CCR5AS: variants seen among roughly 807,000 people sequenced by gnomAD.
CCR5AS encodes the protein CCR5 antisense RNA.
chr3:46,372,874 C>T (rs372191663), intron 2 of CCR5AS: 179 of 1,506,300 alleles, frequency 1.2e-4, no homozygotes, highest in Non-Finnish European at 1.4e-4. Context: ...TAAAAGATCA[C>T]TTTTTATTTA....
At chr3:46,403,674 C>A (rs1418336265) in intron 1 of CCR5AS, among the ~76,000 whole-genome samples, 1 of 152,214 alleles carries the variant, frequency 6.6e-6, no homozygotes, top group Non-Finnish European at 1.5e-5. Flanking sequence ...CAGGTTGGGG[C>A]TGCTGAGCAG....
At position 46,399,953 on chromosome 3, in the gene CCR5AS, A is replaced by G. The variant is rs139006449; in HGVS notation, n.164-6901T>C. Among the ~76,000 whole-genome samples the G allele has an allele frequency of 1.1e-3, 163 of 152,318 alleles. 3 individuals are homozygous for G. The highest frequency in any genetic ancestry group is 3.1e-3 in the South Asian group (15 of 4,826). ...GGAAGCTAGTTGAAGATCTTAAATTACCAATGTATCTTGTCCACATAGCTA... is the reference window on the plus strand; with the variant it reads ...GGAAGCTAGTTGAAGATCTTAAATTGCCAATGTATCTTGTCCACATAGCTA... On this transcript the variant is annotated intron_variant and non_coding_transcript_variant, in intron 1 of 3. Coordinates refer to ENST00000451485, the Ensembl canonical transcript of CCR5AS.
At chr3:46,373,472 G>T (rs751323475) in intron 2 of CCR5AS, 13 of 1,316,168 alleles carry the variant, frequency 9.9e-6, no homozygotes, top group Middle Eastern at 1.7e-4. Context: ...ATCAATTCTG[G>T]AAGAATTTCC....
chr3:46,369,016 C>T (rs41412948), intron 3 of CCR5AS, among the ~76,000 whole-genome samples: 9,904 of 79,892 alleles, frequency 0.12, 493 homozygotes, highest in South Asian at 0.39. Context: ...TGTATTTATG[C>T]TATCTATTTT....
chr3:46,387,949 T>A (rs939676213), intron 2 of CCR5AS, among the ~76,000 whole-genome samples: 4 of 152,190 alleles, frequency 2.6e-5, no homozygotes, highest in Non-Finnish European at 5.9e-5. Context: ...TGTCACAAGG[T>A]CAACTGATCA....
intron 1 of CCR5AS, among the ~76,000 whole-genome samples, chr3:46,400,006 G>T (rs1195015324): frequency 6.6e-6 from 1 of 151,830 alleles, no homozygotes; most frequent in Non-Finnish European, 1.5e-5. Flanking sequence ...TTATTTTTTT[G>T]AAACAGGGTC....
intron 2 of CCR5AS, among the ~76,000 whole-genome samples, chr3:46,379,897 AAAATAAATAAATAAATAAAT>A (rs60485134): frequency 2.7e-5 from 4 of 146,398 alleles, no homozygotes; most frequent in Non-Finnish European, 6.0e-5. Context: ...ACTCTGTCTC[AAAATAAATAAATAAATAAAT>A]AAATAAATAA....
chr3:46,393,617 A>G (rs1701934767), intron 1 of CCR5AS, among the ~76,000 whole-genome samples: 1 of 152,196 alleles, frequency 6.6e-6, no homozygotes, highest in Non-Finnish European at 1.5e-5. Flanking sequence ...ATTTATTGAG[A>G]AGCAAGTATG....
chr3:46,369,702 G>A (rs1701635906), intron 3 of CCR5AS, among the ~76,000 whole-genome samples: 1 of 152,166 alleles, frequency 6.6e-6, no homozygotes, highest in African/African-American at 2.4e-5. Context: ...TGTGCTAGAT[G>A]CTGGCCGTGG....
At chr3:46,367,423 C>T (rs1701610934) in intron 3 of CCR5AS, among the ~76,000 whole-genome samples, 1 of 149,628 alleles carries the variant, frequency 6.7e-6, no homozygotes, top group South Asian at 2.1e-4. Context: ...AACAATTAAT[C>T]GAAAAGTGCA....
At chr3:46,373,730 C>T (rs755563272) in intron 2 of CCR5AS, 1 of 1,613,932 alleles carries the variant, frequency 6.2e-7, no homozygotes, top group Admixed American at 1.7e-5. Context: ...ACAGGTTGGA[C>T]CAAGCTATGC....
At chr3:46,373,607 G>A (rs147615392) in intron 2 of CCR5AS, 4 of 1,613,920 alleles carry the variant, frequency 2.5e-6, no homozygotes, top group African/African-American at 2.7e-5. Context: ...GGGCTGTGAG[G>A]CTTATCTTCA....
At chr3:46,403,207 T>C (rs987356672) in intron 1 of CCR5AS, among the ~76,000 whole-genome samples, 2 of 152,248 alleles carry the variant, frequency 1.3e-5, no homozygotes, top group African/African-American at 4.8e-5. Context: ...AACATTCACA[T>C]GCGTGTGTCT....
intron 3 of CCR5AS, among the ~76,000 whole-genome samples, chr3:46,368,810 G>A (rs1268211748): frequency 6.6e-6 from 1 of 152,150 alleles, no homozygotes; most frequent in East Asian, 1.9e-4. Context: ...CTCTGGGGGT[G>A]AGTATGTCTT....
chr3:46,372,618 G>A lies in CCR5AS; in HGVS notation n.392-1201C>T, dbSNP rs556224798. 25 of 237,796 alleles carry A rather than the reference G, an allele frequency of 1.1e-4. No homozygotes were observed. In the South Asian group the frequency reaches 2.3e-3, roughly 22 times the overall value. 14.7% of individuals were successfully genotyped at this position (237,796 alleles called of 1,614,324 possible). A position where few individuals can be genotyped will look rare whatever the true frequency, so the allele number is the denominator to read the frequency against. On this transcript the variant is annotated intron_variant and non_coding_transcript_variant, in intron 2 of 3. Coordinates refer to ENST00000451485, the Ensembl canonical transcript of CCR5AS. ...GTTGTCAAAGCTTCATTCACTCCAT[G>A]GTGCTATAGAGCACAAGATTTTATT...
At chr3:46,390,068 G>A (rs1701896697) in intron 2 of CCR5AS, among the ~76,000 whole-genome samples, 1 of 152,150 alleles carries the variant, frequency 6.6e-6, no homozygotes, top group South Asian at 2.1e-4. Flanking sequence ...AAGGTGGGAG[G>A]TAGATGGGTG....
At chr3:46,365,612 C>T (rs955407156) in intron 3 of CCR5AS, among the ~76,000 whole-genome samples, 1 of 152,212 alleles carries the variant, frequency 6.6e-6, no homozygotes, top group African/African-American at 2.4e-5. Context: ...GCCACTGCCA[C>T]AGTCCACTCT....
chr3:46,384,440 G>A (rs1028939413), intron 2 of CCR5AS, among the ~76,000 whole-genome samples: 2 of 152,222 alleles, frequency 1.3e-5, no homozygotes, highest in African/African-American at 4.8e-5. Context: ...ACTCTTGCAA[G>A]CTTCCAGATT....
intron 1 of CCR5AS, among the ~76,000 whole-genome samples, chr3:46,402,754 T>C (rs1038717665): frequency 6.6e-6 from 1 of 152,214 alleles, no homozygotes; most frequent in East Asian, 1.9e-4. Flanking sequence ...AACTTTTATT[T>C]TAGGTTCTGG....
Sources: gnomAD v4.1 joint callset for allele counts (sites outside exome capture counted in the v4.1 genomes callset) on GRCh38, gnomAD v4.1.1 for gene constraint, MANE v1.5 for transcripts, NCBI Gene and HGNC (gene_info 2026-07-23, HGNC 2026-07-21) for gene names.